Variants in ADAMTSL1 observed in about 807,000 individuals in gnomAD.
ADAMTSL1 encodes the protein ADAMTS like 1.
Under a neutral mutation model 201.8 loss-of-function variants are expected in ADAMTSL1, and 126 were observed. The ratio of observed to expected loss-of-function variants is 0.62; its 90% CI spans 0.54 to 0.72. The LOEUF is 0.72. Ranked by LOEUF, ADAMTSL1 falls within the 30% of genes least tolerant of loss-of-function variation. The probability of loss-of-function intolerance (pLI) is 0.00; values close to 1 mark genes in which losing one functional copy is unlikely to be tolerated. For missense variants in ADAMTSL1, 2,679 were observed against 2,277.8 expected, an observed-to-expected ratio of 1.18 and a Z score of -3.59; for synonymous variants, 1,121 against 903.4, an observed-to-expected ratio of 1.24 and a Z score of -4.32.
At chr9:18,364,152 G>A (rs1836656488) in intron 2 of ADAMTSL1, among the ~76,000 whole-genome samples, 1 of 152,112 alleles carries the variant, frequency 6.6e-6, no homozygotes, top group African/African-American at 2.4e-5. Flanking sequence ...CGGGACAAGA[G>A]ACAGTGCCTA....
chr9:18,048,587 G>T (rs1027719892), intron 1 of ADAMTSL1, among the ~76,000 whole-genome samples: 2 of 152,132 alleles, frequency 1.3e-5, no homozygotes, highest in Non-Finnish European at 2.9e-5. Context: ...TGAGATATAT[G>T]GGGATTCTCT....
At chr9:18,689,641 A>C (rs1831092935) in intron 13 of ADAMTSL1, among the ~76,000 whole-genome samples, 1 of 152,228 alleles carries the variant, frequency 6.6e-6, no homozygotes, top group African/African-American at 2.4e-5. Flanking sequence ...GCACTTAGGG[A>C]AGCCAGGTTC....
chr9:18,435,729 C>T (rs896470151), intron 2 of ADAMTSL1, among the ~76,000 whole-genome samples: 9 of 152,146 alleles, frequency 5.9e-5, no homozygotes, highest in Non-Finnish European at 8.8e-5. Context: ...ACAATCATGG[C>T]GGATGGCAAG....
At chr9:18,548,121 T>A (rs1820585701) in intron 3 of ADAMTSL1, among the ~76,000 whole-genome samples, 1 of 152,030 alleles carries the variant, frequency 6.6e-6, no homozygotes, top group Non-Finnish European at 1.5e-5. Context: ...AATTGTCTAC[T>A]TACTAAAATT....
At chr9:18,181,943 A>C (rs537083143) in intron 2 of ADAMTSL1, among the ~76,000 whole-genome samples, 1 of 152,170 alleles carries the variant, frequency 6.6e-6, no homozygotes, top group African/African-American at 2.4e-5. Flanking sequence ...TACACCATGG[A>C]ATACTATGCA....
chr9:18,281,207 A>G (rs891937777), intron 2 of ADAMTSL1, among the ~76,000 whole-genome samples: 1 of 152,230 alleles, frequency 6.6e-6, no homozygotes, highest in African/African-American at 2.4e-5. Flanking sequence ...AAATGCTATA[A>G]TAAGCAAATT....
At chr9:18,810,362 C>A (rs1823425765) in intron 20 of ADAMTSL1, among the ~76,000 whole-genome samples, 1 of 152,056 alleles carries the variant, frequency 6.6e-6, no homozygotes, top group African/African-American at 2.4e-5. Flanking sequence ...GCCTAGAAGG[C>A]AAATAAAATG....
At chr9:18,359,729 A>C (rs980090117) in intron 2 of ADAMTSL1, among the ~76,000 whole-genome samples, 2 of 151,364 alleles carry the variant, frequency 1.3e-5, no homozygotes, top group Admixed American at 1.3e-4. Context: ...AGCCTGATTC[A>C]TATTATTTTT....
intron 20 of ADAMTSL1, 44 bp from the exon 21 acceptor site, chr9:18,817,065 A>G: frequency 6.3e-7 from 1 of 1,598,898 alleles, no homozygotes; most frequent in Non-Finnish European, 8.5e-7. Context: ...CCCAATTTCC[A>G]CAGTCACCAC....
intron 12 of ADAMTSL1, among the ~76,000 whole-genome samples, chr9:18,683,285 C>T (rs977310221): frequency 1.2e-4 from 18 of 148,052 alleles, no homozygotes; most frequent in Admixed American, 9.7e-4. Flanking sequence ...AGTTCAGTGG[C>T]GTGATCTCGG....
intron 2 of ADAMTSL1, among the ~76,000 whole-genome samples, chr9:18,233,865 A>G (rs2132419646): frequency 6.6e-6 from 1 of 152,292 alleles, no homozygotes; most frequent in South Asian, 2.1e-4. Context: ...GAGGCAAGGG[A>G]GGCACAGTAT....
intron 23 of ADAMTSL1, among the ~76,000 whole-genome samples, chr9:18,840,934 G>T (rs1447189208): frequency 2.0e-5 from 3 of 147,450 alleles, no homozygotes; most frequent in South Asian, 2.3e-4. Context: ...AGGAGATTTT[G>T]GGCTGAGACA....
chr9:18,502,075 C>G (rs1190440570), intron 1 of ADAMTSL1, among the ~76,000 whole-genome samples: 1 of 152,208 alleles, frequency 6.6e-6, no homozygotes, highest in Non-Finnish European at 1.5e-5. Flanking sequence ...ACCCAGAGAA[C>G]AGCCAGAGGG....
At chr9:18,742,716 C>T (rs1444708647) in intron 15 of ADAMTSL1, among the ~76,000 whole-genome samples, 1 of 151,702 alleles carries the variant, frequency 6.6e-6, no homozygotes, top group Non-Finnish European at 1.5e-5. Context: ...CTGTGCCTGG[C>T]AGAAACTCAC....
intron 2 of ADAMTSL1, among the ~76,000 whole-genome samples, chr9:18,307,087 C>A (rs1833939233): frequency 6.6e-6 from 1 of 152,110 alleles, no homozygotes; most frequent in Admixed American, 6.5e-5. Context: ...TCATATCCAG[C>A]CAAACTAAGC....
At chr9:18,258,733 C>T (rs116544705) in intron 2 of ADAMTSL1, among the ~76,000 whole-genome samples, 1 of 152,160 alleles carries the variant, frequency 6.6e-6, no homozygotes, top group Non-Finnish European at 1.5e-5. Flanking sequence ...CTCAAATGAA[C>T]CAACAAAGCC....
At chr9:18,163,909 A>G (rs1379180645) in exon 2 of ADAMTSL1, 1 of 151,966 alleles carries the variant, frequency 6.6e-6, no homozygotes, top group Non-Finnish European at 1.5e-5. Flanking sequence ...GGGAATTTAC[A>G]CTGATTCGAA....
chr9:18,327,171 A>G (rs765531202), intron 2 of ADAMTSL1, among the ~76,000 whole-genome samples: 1 of 152,216 alleles, frequency 6.6e-6, no homozygotes, highest in Non-Finnish European at 1.5e-5. Context: ...AAGAGCAGTG[A>G]CACTCTTGTT....
At chr9:18,526,546 C>T (rs1273049848) in intron 2 of ADAMTSL1, among the ~76,000 whole-genome samples, 1 of 152,202 alleles carries the variant, frequency 6.6e-6, no homozygotes, top group African/African-American at 2.4e-5. Flanking sequence ...ATGGTCTTTA[C>T]AATTTGGCAT....
Sources: allele counts gnomAD v4.1 joint callset (sites outside exome capture counted in the v4.1 genomes callset), GRCh38; gene constraint gnomAD v4.1.1; transcripts MANE v1.5; gene names NCBI Gene and HGNC (gene_info 2026-07-23, HGNC 2026-07-21).